The following TBX5 variants were observed in gnomAD, a reference collection of about 807,000 sequenced individuals.
TBX5 encodes T-box transcription factor 5, also known as T-box transcription factor TBX5.
In TBX5, 8 loss-of-function variants were observed where a neutral mutation model predicts 51.1. The observed-to-expected ratio is 0.16, with a 90% CI of 0.09 to 0.28. The LOEUF (loss-of-function observed/expected upper bound fraction) is 0.28. Among genes scored for constraint, TBX5 ranks in the 10% least tolerant of loss-of-function variants. The pLI is 1.00. For missense variants in TBX5, 589 were observed against 671.7 expected (o/e 0.88, Z 1.36); for synonymous variants, 302 against 266.4 (o/e 1.13, Z -1.30).
chr12:114,372,478 T>C (rs1200977967), intron 7 of TBX5, among the ~76,000 whole-genome samples: 4 of 124,016 alleles, frequency 3.2e-5, no homozygotes, highest in Admixed American at 1.5e-4. Flanking sequence ...CCAATAGTTG[T>C]ATTTTTTTTT....
At chr12:114,362,867 G>T (rs1442177015) in intron 8 of TBX5, among the ~76,000 whole-genome samples, 6 of 152,028 alleles carry the variant, frequency 3.9e-5, no homozygotes, top group Non-Finnish European at 2.9e-5. Context: ...GTCTTACTAT[G>T]TTGCCCAGGC....
chr12:114,365,409 C>A (rs1031903978), intron 8 of TBX5, among the ~76,000 whole-genome samples: 1 of 151,820 alleles, frequency 6.6e-6, no homozygotes, highest in Non-Finnish European at 1.5e-5. Flanking sequence ...TCCTCCTTAG[C>A]AGTTAAAAAT....
intron 5 of TBX5, among the ~76,000 whole-genome samples, chr12:114,396,915 A>G (rs1348273051): frequency 6.6e-6 from 1 of 152,212 alleles, no homozygotes; most frequent in Non-Finnish European, 1.5e-5. Flanking sequence ...ACCCGGGTTT[A>G]ACAGAGTGGC....
chr12:114,400,317 C>A (rs956404807), intron 3 of TBX5, among the ~76,000 whole-genome samples: 1 of 152,198 alleles, frequency 6.6e-6, no homozygotes, highest in Non-Finnish European at 1.5e-5. Flanking sequence ...TGGCCTTCAG[C>A]AAAGAAATTC....
At chr12:114,398,759 G>T in intron 4 of TBX5, 39 bp from the exon 5 acceptor site, 2 of 1,579,952 alleles carry the variant, frequency 1.3e-6, no homozygotes, top group Non-Finnish European at 1.7e-6. Context: ...CTGGCTCAGA[G>T]TCTGGAGGTA....
intron 2 of TBX5, among the ~76,000 whole-genome samples, chr12:114,402,270 A>C (rs150524061): frequency 0.017 from 2,582 of 151,718 alleles, 39 homozygotes; most frequent in Non-Finnish European, 0.021. Flanking sequence ...AACCAACCAA[A>C]CAAACAAACC....
intron 8 of TBX5, 54 bp downstream of exon 8, chr12:114,366,111 A>G (rs752365122): frequency 1.9e-6 from 3 of 1,584,304 alleles, no homozygotes; most frequent in Non-Finnish European, 2.6e-6. Context: ...CCCCAACCCA[A>G]GGAAAGGAAA....
intron 6 of TBX5, among the ~76,000 whole-genome samples, chr12:114,387,216 T>C (rs137963979): frequency 1.0e-3 from 158 of 152,280 alleles, no homozygotes; most frequent in African/African-American, 3.3e-3. Context: ...AGTAGTATAG[T>C]TACAGATTTG....
rs146936772 is a variant in TBX5, at chr12:114,387,205, C to T, written c.664-1638G>A. Reference sequence around the variant, plus strand: ...CCTAAAAATCATCTCGAGTCTTTCCCAGTAGTATAGTTACAGATTTGAGAA... The same window carrying T: ...CCTAAAAATCATCTCGAGTCTTTCCTAGTAGTATAGTTACAGATTTGAGAA... On this transcript the variant is annotated intron_variant, in intron 6 of 8. Coordinates refer to ENST00000405440, the MANE Select transcript of TBX5 (RefSeq NM_181486.4). Among the ~76,000 whole-genome samples, 1,071 of 152,258 alleles carry T rather than the reference C, an allele frequency of 7.0e-3. 9 individuals carry two copies. The highest frequency in any genetic ancestry group is 0.011 in the Non-Finnish European group (775 of 68,012).
intron 8 of TBX5, among the ~76,000 whole-genome samples, chr12:114,363,060 T>C (rs1029058662): frequency 1.3e-5 from 2 of 152,232 alleles, no homozygotes; most frequent in Non-Finnish European, 2.9e-5. Context: ...GGCAAGCACA[T>C]GTTCATTGAG....
intron 7 of TBX5, among the ~76,000 whole-genome samples, chr12:114,370,288 G>GAAAACAAAGA (rs56105735): frequency 1.8e-5 from 1 of 56,686 alleles, no homozygotes; most frequent in African/African-American, 5.4e-5. Flanking sequence ...GAAAAGAAAA[G>GAAAACAAAGA]AAAGAAAAGA....
chr12:114,378,634 T>G (rs1870336441), intron 7 of TBX5, among the ~76,000 whole-genome samples: 1 of 152,092 alleles, frequency 6.6e-6, no homozygotes, highest in Non-Finnish European at 1.5e-5. Flanking sequence ...TTGTTTTGTT[T>G]GTTTTGTTTT....
chr12:114,357,264 C>T (rs568740157), intron 8 of TBX5, among the ~76,000 whole-genome samples: 4 of 152,078 alleles, frequency 2.6e-5, no homozygotes, highest in African/African-American at 7.2e-5. Context: ...TTCACCACTT[C>T]GGGGCCACTG....
intron 6 of TBX5, among the ~76,000 whole-genome samples, chr12:114,393,143 G>A (rs548236952): frequency 9.0e-4 from 137 of 152,230 alleles, no homozygotes; most frequent in African/African-American, 3.1e-3. Context: ...AATGACCTTC[G>A]AGGGGTGAGG....
At chr12:114,368,690 C>T (rs1012422273) in intron 7 of TBX5, among the ~76,000 whole-genome samples, 1 of 152,180 alleles carries the variant, frequency 6.6e-6, no homozygotes, top group African/African-American at 2.4e-5. Context: ...TTTTGGGGTA[C>T]AAGACTCTTT....
intron 7 of TBX5, 113 bp downstream of exon 7, chr12:114,385,363 G>T: frequency 1.1e-6 from 1 of 880,998 alleles, no homozygotes; most frequent in Non-Finnish European, 1.9e-6. Context: ...CCATGTGCCT[G>T]GCATTCTACG....
intron 2 of TBX5, among the ~76,000 whole-genome samples, chr12:114,402,292 A>C (rs544782990): frequency 4.6e-5 from 7 of 152,196 alleles, no homozygotes; most frequent in Admixed American, 1.3e-4. Context: ...AAAAAAAAAA[A>C]CCAGAGCCAA....
intron 7 of TBX5, among the ~76,000 whole-genome samples, chr12:114,379,519 C>G (rs1334868408): frequency 1.3e-5 from 2 of 152,212 alleles, no homozygotes; most frequent in African/African-American, 4.8e-5. Context: ...GCCAGGTTGT[C>G]CCAGCCAGCC....
At chr12:114,407,370 T>C (rs1275593762), upstream of TBX5, among the ~76,000 whole-genome samples, 1 of 152,134 alleles carries the variant, frequency 6.6e-6, no homozygotes, top group African/African-American at 2.4e-5. Context: ...AAGGCGACCC[T>C]AGGCCGAAGA....
Sources: allele counts gnomAD v4.1 joint callset (sites outside exome capture counted in the v4.1 genomes callset), GRCh38; gene constraint gnomAD v4.1.1; transcripts MANE v1.5; gene names NCBI Gene and HGNC (gene_info 2026-07-23, HGNC 2026-07-21).